The following IGF2BP2 variants were observed in gnomAD, a reference collection of about 807,000 sequenced individuals.
IGF2BP2 encodes insulin like growth factor 2 mRNA binding protein 2, also known as insulin-like growth factor 2 mRNA-binding protein 2.
A neutral mutation model predicts 75.8 loss-of-function variants in IGF2BP2; 17 were observed. The ratio of observed to expected loss-of-function variants is 0.22; its 90% CI spans 0.15 to 0.34. IGF2BP2 has a LOEUF of 0.34. Ranked by LOEUF, IGF2BP2 falls within the 10% of genes least tolerant of loss-of-function variation. The pLI, the probability that IGF2BP2 is intolerant of heterozygous loss-of-function variation, is 1.00. For missense variants in IGF2BP2, 516 were observed against 772.4 expected (o/e 0.67, Z 3.93); for synonymous variants, 288 against 295.6 (o/e 0.97, Z 0.26).
chr3:185,727,953 C>A (rs1727584368), intron 2 of IGF2BP2, among the ~76,000 whole-genome samples: 1 of 152,166 alleles, frequency 6.6e-6, no homozygotes, highest in African/African-American at 2.4e-5. Flanking sequence ...GTATACTGCA[C>A]TACCTACATC....
At chr3:185,805,015 G>A (rs1738821130) in intron 2 of IGF2BP2, among the ~76,000 whole-genome samples, 1 of 150,886 alleles carries the variant, frequency 6.6e-6, no homozygotes, top group Admixed American at 6.6e-5. Flanking sequence ...AAAAATTACA[G>A]TCATAACCTC....
chr3:185,653,796 T>C (rs900010825), intron 12 of IGF2BP2, among the ~76,000 whole-genome samples: 2 of 152,120 alleles, frequency 1.3e-5, no homozygotes, highest in African/African-American at 4.8e-5. Flanking sequence ...AGGGACATCA[T>C]GTTCTAAGGC....
At chr3:185,678,665 A>C (rs1169156453) in intron 7 of IGF2BP2, among the ~76,000 whole-genome samples, 1 of 152,090 alleles carries the variant, frequency 6.6e-6, no homozygotes, top group Non-Finnish European at 1.5e-5. Context: ...TGTTGTTCCA[A>C]TTCTATTTCC....
chr3:185,681,283 T>C (rs1341283928), intron 7 of IGF2BP2, among the ~76,000 whole-genome samples: 2 of 152,172 alleles, frequency 1.3e-5, no homozygotes, highest in Admixed American at 1.3e-4. Flanking sequence ...TACATTTCTA[T>C]ACACAACAAT....
At chr3:185,694,696 G>A (rs1000370061) in intron 4 of IGF2BP2, among the ~76,000 whole-genome samples, 8 of 152,150 alleles carry the variant, frequency 5.3e-5, no homozygotes, top group Non-Finnish European at 8.8e-5. Context: ...TTTTTCTTGC[G>A]TAGCATTGTC....
At chr3:185,655,429 C>G (rs968328496) in intron 12 of IGF2BP2, among the ~76,000 whole-genome samples, 1 of 152,238 alleles carries the variant, frequency 6.6e-6, no homozygotes, top group African/African-American at 2.4e-5. Flanking sequence ...CCACGCCCGG[C>G]TGACTGATTT....
chr3:185,672,636 T>C lies in IGF2BP2; in HGVS notation c.1105A>G (p.Ser369Gly), dbSNP rs368787882. Residue 369 changes from serine (S) to glycine (G), a missense_variant, in exon 10 of 16, where the codon AGC becomes GGC. Coordinates refer to ENST00000382199, the MANE Select transcript of IGF2BP2 (RefSeq NM_006548.6). ...CCTGTTGAAAAGATGCCAAGTGCGC[T>C]GAGGTTCAACCCTGGGATCAGATTG... ...QANLIPGLNL[S>G]ALGIFSTGLS... 1 of 1,614,028 alleles carries C rather than the reference T, an allele frequency of 6.2e-7. No homozygotes were observed.
At chr3:185,650,458 T>C (rs114987367) in intron 13 of IGF2BP2, among the ~76,000 whole-genome samples, 1,584 of 152,194 alleles carry the variant, frequency 0.01, 21 homozygotes, top group African/African-American at 0.036. Context: ...GGACAGATTG[T>C]TTGAGGCCAG....
chr3:185,727,999 A>G (rs1727592169), intron 2 of IGF2BP2, among the ~76,000 whole-genome samples: 1 of 152,178 alleles, frequency 6.6e-6, no homozygotes, highest in African/African-American at 2.4e-5. Flanking sequence ...TCAGGTCTGA[A>G]CTAATGAGAT....
chr3:185,665,318 A>AG (rs1717205401), intron 10 of IGF2BP2, among the ~76,000 whole-genome samples: 1 of 130,124 alleles, frequency 7.7e-6, no homozygotes, highest in Non-Finnish European at 1.6e-5. Flanking sequence ...GAGCAGAAGG[A>AG]GAAGGAGGAG....
intron 2 of IGF2BP2, among the ~76,000 whole-genome samples, chr3:185,745,699 C>T (rs980776212): frequency 1.5e-4 from 23 of 152,336 alleles, no homozygotes; most frequent in Middle Eastern, 3.4e-3. Flanking sequence ...AAGACACTCA[C>T]AAACAAAACA....
rs959332544 is a variant in IGF2BP2, at chr3:185,809,121, C to CT, written c.239+14031dup. On this transcript the variant is annotated intron_variant, in intron 2 of 15. Transcript: ENST00000382199. ...TTTGTTTTTTGTTTTTCTTTTCTTT[C>CT]TTTTTTTTTTCAAATAGGTTTTTCT... 1.0e-2 allele frequency among the ~76,000 whole-genome samples: 1,457 copies of CT among 146,210 alleles called. 8 individuals carry two copies. The highest frequency in any genetic ancestry group is 0.015 in the Non-Finnish European group (969 of 66,090).
rs9862033 is a variant in IGF2BP2, at chr3:185,788,881, T to C, written c.239+34272A>G. On this transcript the variant is annotated intron_variant, in intron 2 of 15. Coordinates refer to ENST00000382199, the MANE Select transcript of IGF2BP2 (RefSeq NM_006548.6). Reference sequence around the variant, plus strand: ...GCACTGCCACCACACCCAGCTAATTTTGGTATTTTTAGTAGAGACAGGGTG... The same window carrying C: ...GCACTGCCACCACACCCAGCTAATTCTGGTATTTTTAGTAGAGACAGGGTG... Among the ~76,000 whole-genome samples, 1,269 of 151,916 alleles carry C rather than the reference T, an allele frequency of 8.4e-3. 19 individuals carry two copies. The highest frequency in any genetic ancestry group is 0.028 in the African/African-American group (1,142 of 41,418).
intron 2 of IGF2BP2, among the ~76,000 whole-genome samples, chr3:185,734,286 T>A (rs1031275980): frequency 1.3e-5 from 2 of 152,180 alleles, no homozygotes; most frequent in Admixed American, 6.5e-5. Flanking sequence ...GGGCAACTTA[T>A]CAACCCCATT....
At chr3:185,757,713 T>C (rs1391242963) in intron 2 of IGF2BP2, among the ~76,000 whole-genome samples, 5 of 152,122 alleles carry the variant, frequency 3.3e-5, no homozygotes, top group Non-Finnish European at 5.9e-5. Context: ...GATCCACCCA[T>C]GGTCTCTCGA....
At chr3:185,661,868 C>T (rs1215076683) in intron 10 of IGF2BP2, among the ~76,000 whole-genome samples, 1 of 151,946 alleles carries the variant, frequency 6.6e-6, no homozygotes, top group Non-Finnish European at 1.5e-5. Flanking sequence ...AAGACTGCTG[C>T]AGTCAAGACC....
chr3:185,757,788 T>A lies in IGF2BP2; in HGVS notation c.240-59441A>T, dbSNP rs184461751. 7.9e-5 allele frequency among the ~76,000 whole-genome samples: 12 copies of A among 152,262 alleles called. No individual in the cohort carries two copies. The East Asian group carries it at 2.1e-3, about 27-fold the overall frequency. ...ATAGCTCATGTATTTTTAAAAAATC[T>A]TTCAAAGCTCCACTCCTAGTATAGT... On this transcript the variant is annotated intron_variant, in intron 2 of 15. Coordinates refer to ENST00000382199, the MANE Select transcript of IGF2BP2 (RefSeq NM_006548.6).
At chr3:185,685,898 C>A (rs1380284596) in intron 7 of IGF2BP2, among the ~76,000 whole-genome samples, 1 of 152,210 alleles carries the variant, frequency 6.6e-6, no homozygotes, top group Admixed American at 6.5e-5. Flanking sequence ...CCTACCTTGG[C>A]CTCCCAAAGC....
At chr3:185,676,644 C>T (rs571450617) in intron 7 of IGF2BP2, among the ~76,000 whole-genome samples, 1 of 150,960 alleles carries the variant, frequency 6.6e-6, no homozygotes, top group Admixed American at 6.6e-5. Context: ...TTCTGCACTC[C>T]AGCCTGGGCT....
Sources: allele counts gnomAD v4.1 joint callset (sites outside exome capture counted in the v4.1 genomes callset), GRCh38; gene constraint gnomAD v4.1.1; transcripts MANE v1.5; gene names NCBI Gene and HGNC (gene_info 2026-07-23, HGNC 2026-07-21).